PRRG1: variants seen among roughly 807,000 people sequenced by gnomAD.
The protein encoded by PRRG1 is proline rich and Gla domain 1.
Under a neutral mutation model 11.8 loss-of-function variants are expected in PRRG1, and 5 were observed. The ratio of observed to expected loss-of-function variants is 0.42; its 90% CI spans 0.22 to 0.89. PRRG1 has a LOEUF of 0.89. PRRG1 is among the 40% of genes least tolerant of loss of function. PRRG1 has a pLI of 0.28. For missense variants in PRRG1, 155 were observed against 166.1 expected (o/e 0.93, Z 0.37); for synonymous variants, 66 against 60.4 (o/e 1.09, Z -0.43).
chrX:37,422,553 A>C (rs1239925436), intron 2 of PRRG1, among the ~76,000 whole-genome samples: 1 of 112,260 alleles, frequency 8.9e-6, no homozygotes, highest in Non-Finnish European at 1.9e-5. Flanking sequence ...GAGGAGACTT[A>C]TGCGTTAATT....
chrX:37,369,499 T>C (rs1343319228), intron 1 of PRRG1, among the ~76,000 whole-genome samples: 4 of 112,057 alleles, frequency 3.6e-5, no homozygotes, highest in Non-Finnish European at 5.6e-5. Flanking sequence ...AAATCTACTT[T>C]CTCAGCAATT....
At chrX:37,439,114 G>A (rs1457348291) in intron 3 of PRRG1, among the ~76,000 whole-genome samples, 1 of 111,831 alleles carries the variant, frequency 8.9e-6, no homozygotes, top group Non-Finnish European at 1.9e-5. Context: ...CAAGTCTTGG[G>A]TACTGTCAAG....
At chrX:37,375,160 G>C (rs1601978630) in intron 1 of PRRG1, among the ~76,000 whole-genome samples, 1 of 111,746 alleles carries the variant, frequency 8.9e-6, no homozygotes, top group Non-Finnish European at 1.9e-5. Context: ...ATGTAGTAAG[G>C]TGTAGGGAGA....
chrX:37,393,637 A>T (rs1351000133), intron 1 of PRRG1, among the ~76,000 whole-genome samples: 1 of 111,557 alleles, frequency 9.0e-6, no homozygotes, highest in Non-Finnish European at 1.9e-5. Flanking sequence ...CTTGCTGGTT[A>T]TGCTGAAATC....
intron 3 of PRRG1, among the ~76,000 whole-genome samples, chrX:37,439,282 AG>A (rs1184086317): frequency 8.9e-6 from 1 of 112,278 alleles, no homozygotes; most frequent in Non-Finnish European, 1.9e-5. Context: ...CAATTCCAAA[AG>A]CTAATATTTG....
chrX:37,354,511 G>A lies in PRRG1; in HGVS notation c.-42+5116G>A, dbSNP rs902381526. ...GGGTTCACGCCATTCTCCTGCCTCA[G>A]CCTCCCAAGTAGCTGGGACTACAGG... On this transcript the variant is annotated intron_variant, in intron 1 of 3. Coordinates refer to ENST00000378628, the MANE Select transcript of PRRG1 (RefSeq NM_001142395.2). 6.5e-5 allele frequency among the ~76,000 whole-genome samples: 7 copies of A among 108,508 alleles called. No homozygotes were observed. The Admixed American group carries it at 6.9e-4, about 11-fold the overall frequency. The allele number at this position is 108,508 out of a possible 115,157, so 94.2% of individuals were successfully genotyped here.
chrX:37,398,444 C>T (rs1250256664), intron 1 of PRRG1, among the ~76,000 whole-genome samples: 1 of 111,969 alleles, frequency 8.9e-6, no homozygotes, highest in African/African-American at 3.2e-5. Context: ...GGAAAACTAA[C>T]AAACAGAAAG....
intron 2 of PRRG1, among the ~76,000 whole-genome samples, chrX:37,425,198 CTG>C (rs1303313799): frequency 1.8e-5 from 2 of 111,096 alleles, no homozygotes; most frequent in African/African-American, 6.5e-5. Context: ...TGAAATGCCT[CTG>C]TAAATCATGC....
At chrX:37,403,229 C>A (rs1932074832) in intron 1 of PRRG1, among the ~76,000 whole-genome samples, 1 of 109,946 alleles carries the variant, frequency 9.1e-6, no homozygotes, top group African/African-American at 3.3e-5. Context: ...TGGAACCAAG[C>A]CAAATATCCA....
rs781939184 is a variant in PRRG1, at chrX:37,409,420, T to A, written c.10+3161T>A. Among the ~76,000 whole-genome samples, 4 of 111,983 alleles carry A rather than the reference T, an allele frequency of 3.6e-5. No homozygotes were observed. In the East Asian group the frequency reaches 1.1e-3, roughly 31 times the overall value. ...TGTGTTGTTCAAGAGTCAACTGTAG[T>A]TCTTGCTAAAGAACAGGGCATGGTA... is the stretch of plus-strand genomic sequence containing the variant. On this transcript the variant is annotated intron_variant, in intron 2 of 3. Coordinates refer to ENST00000378628, the MANE Select transcript of PRRG1 (RefSeq NM_001142395.2).
intron 1 of PRRG1, among the ~76,000 whole-genome samples, chrX:37,355,730 A>C (rs1387660704): frequency 8.9e-6 from 1 of 112,156 alleles, no homozygotes; most frequent in Non-Finnish European, 1.9e-5. Context: ...TTTGCACACT[A>C]CTGTTCTTCA....
chrX:37,353,904 A>G (rs146106442), intron 1 of PRRG1, among the ~76,000 whole-genome samples: 1,611 of 112,668 alleles, frequency 0.014, 30 homozygotes, highest in African/African-American at 0.048. Flanking sequence ...AACAGCTTAT[A>G]ATGTCTAGCA....
intron 2 of PRRG1, among the ~76,000 whole-genome samples, chrX:37,409,128 AATTG>A (rs1932283543): frequency 1.8e-5 from 2 of 112,075 alleles, no homozygotes; most frequent in African/African-American, 3.2e-5. Flanking sequence ...TAATATAAAC[AATTG>A]ATTAACACAT....
At chrX:37,450,868 CTG>C (rs2146639726) in intron 3 of PRRG1, among the ~76,000 whole-genome samples, 1 of 112,095 alleles carries the variant, frequency 8.9e-6, no homozygotes, top group East Asian at 2.8e-4. Flanking sequence ...AGGAGTGCAA[CTG>C]TGATTGGCAA....
chrX:37,372,399 G>A lies in PRRG1; in HGVS notation c.-42+23004G>A, dbSNP rs138579738. Among the ~76,000 whole-genome samples, 387 of 112,262 alleles carry A rather than the reference G, an allele frequency of 3.4e-3. 2 individuals are homozygous for A. Among genetic ancestry groups the A allele is most frequent in the Non-Finnish European group, 6.2e-3 (328 of 53,241 alleles). ...GCTCACTGCAACCTTCGCCTCCCAG[G>A]TTCAAGTGATTCTCCTACTTCAGCC... On this transcript the variant is annotated intron_variant, in intron 1 of 3. Coordinates refer to ENST00000378628, the MANE Select transcript of PRRG1 (RefSeq NM_001142395.2).
intron 1 of PRRG1, among the ~76,000 whole-genome samples, chrX:37,400,214 T>C (rs1180891084): frequency 9.0e-6 from 1 of 111,139 alleles, no homozygotes; most frequent in East Asian, 2.8e-4. Flanking sequence ...TATTCCAAAA[T>C]TGTACACATA....
At chrX:37,428,818 G>A (rs73203195) in intron 3 of PRRG1, among the ~76,000 whole-genome samples, 6,096 of 112,684 alleles carry the variant, frequency 0.054, 180 homozygotes, top group Non-Finnish European at 0.083. Context: ...TTCTCCATGA[G>A]AGCCCTGTCC....
chrX:37,412,833 A>C (rs1174945971), intron 2 of PRRG1, among the ~76,000 whole-genome samples: 1 of 111,345 alleles, frequency 9.0e-6, no homozygotes, highest in African/African-American at 3.3e-5. Flanking sequence ...AATTTTAGAA[A>C]GGTTTCTCAA....
intron 2 of PRRG1, among the ~76,000 whole-genome samples, chrX:37,411,864 G>C (rs181867132): frequency 8.9e-6 from 1 of 111,772 alleles, no homozygotes; most frequent in African/African-American, 3.2e-5. Context: ...AGCAATATCT[G>C]GAATAGCTTA....
Sources: gnomAD v4.1 joint callset for allele counts (sites outside exome capture counted in the v4.1 genomes callset) on GRCh38, gnomAD v4.1.1 for gene constraint, MANE v1.5 for transcripts, NCBI Gene and HGNC (gene_info 2026-07-23, HGNC 2026-07-21) for gene names.